KCNN1: variants seen among roughly 807,000 people sequenced by gnomAD.
The protein encoded by KCNN1 is potassium calcium-activated channel subfamily N member 1.
Under a neutral mutation model 44.7 loss-of-function variants are expected in KCNN1, and 20 were observed. That is an observed-to-expected ratio of 0.45 (90% CI 0.32 to 0.65). KCNN1 has a LOEUF of 0.65. KCNN1 is among the 30% of genes least tolerant of loss of function. The probability of loss-of-function intolerance (pLI) is 0.05; values close to 1 mark genes in which losing one functional copy is unlikely to be tolerated. For synonymous variants in KCNN1, 324 were observed against 341.7 expected (o/e 0.95, Z 0.57); for missense variants, 632 against 785.3 (o/e 0.80, Z 2.33).
chr19:17,971,318 A>C (rs1005685952), intron 1 of KCNN1, among the ~76,000 whole-genome samples: 3 of 152,092 alleles, frequency 2.0e-5, no homozygotes, highest in Non-Finnish European at 4.4e-5. Flanking sequence ...GGGGACCCCT[A>C]GTGCATGCTG....
rs1568456085 is a variant in KCNN1, at chr19:17,983,382, CG to C, written c.917+1258del. Among the ~76,000 whole-genome samples the C allele has an allele frequency of 6.6e-6, 1 of 152,108 alleles. No individual in the cohort carries two copies. Among genetic ancestry groups the C allele is most frequent in the Non-Finnish European group, 1.5e-5 (1 of 67,982 alleles). On this transcript the variant is annotated intron_variant, in intron 4 of 9. Transcript: ENST00000684775. The surrounding 1 kb of genome is among the most constrained non-coding windows in gnomAD (Gnocchi z 4.5). ...CCAGCCCCCACCCCCCATACTCCCA[CG>C]GGCCCTGCCTGGGCATGAGGCCTGG...
intron 4 of KCNN1, among the ~76,000 whole-genome samples, chr19:17,984,988 C>T (rs1322426670): frequency 6.6e-6 from 1 of 152,110 alleles, no homozygotes; most frequent in African/African-American, 2.4e-5. Context: ...CTTGCCTCCA[C>T]CTCCTGCTGC....
chr19:17,985,167 C>T, intron 4 of KCNN1, 145 bp from the exon 5 acceptor site: 2 of 659,878 alleles, frequency 3.0e-6, no homozygotes, highest in South Asian at 6.3e-5. Context: ...AGAGGGTGCG[C>T]CTGTCCTGTA....
intron 5 of KCNN1, among the ~76,000 whole-genome samples, chr19:17,986,270 T>C (rs1237746416): frequency 1.3e-5 from 2 of 151,114 alleles, no homozygotes; most frequent in Non-Finnish European, 2.9e-5. Context: ...GGCTGAGGCA[T>C]GAGAATTGCT....
chr19:17,995,174 CTT>C (rs201597845), intron 9 of KCNN1, among the ~76,000 whole-genome samples: 1 of 142,384 alleles, frequency 7.0e-6, no homozygotes, highest in Non-Finnish European at 1.5e-5. Context: ...AGGGAATCTT[CTT>C]TTTTTTTTTT....
intron 9 of KCNN1, among the ~76,000 whole-genome samples, chr19:17,994,446 CA>C (rs767149586): frequency 0.049 from 4,341 of 88,956 alleles, 66 homozygotes; most frequent in Non-Finnish European, 0.066. Context: ...GACCCTGTCT[CA>C]AAAAAAAAAA....
intron 9 of KCNN1, among the ~76,000 whole-genome samples, chr19:17,996,198 C>T (rs987280086): frequency 6.8e-6 from 1 of 148,060 alleles, no homozygotes; most frequent in Non-Finnish European, 1.5e-5. Flanking sequence ...GAAAAATTAG[C>T]AGGAGGCTGA....
At chr19:17,979,343 G>A (rs913875963) in intron 3 of KCNN1, among the ~76,000 whole-genome samples, 1 of 143,138 alleles carries the variant, frequency 7.0e-6, no homozygotes, top group Non-Finnish European at 1.5e-5. Flanking sequence ...TGAGGCAGGA[G>A]AATGGCGTGA....
chr19:17,986,338 G>C (rs2032594801), intron 5 of KCNN1, among the ~76,000 whole-genome samples: 1 of 150,472 alleles, frequency 6.6e-6, no homozygotes, highest in South Asian at 2.1e-4. Context: ...ACTCCAGCCT[G>C]GGCAACCAGA....
In KCNN1 at chr19:17,985,267, A is replaced by T. The variant is rs369546195; in HGVS notation, c.918-45A>T. 341 of 1,509,010 alleles carry T rather than the reference A, an allele frequency of 2.3e-4. 1 individual carries two copies. Among genetic ancestry groups the T allele is most frequent in the South Asian group, 2.1e-3 (156 of 75,750 alleles). 93.5% of individuals were successfully genotyped at this position (1,509,010 alleles called of 1,614,324 possible). A position where few individuals can be genotyped will look rare whatever the true frequency, so the allele number is the denominator to read the frequency against. On this transcript the variant is annotated intron_variant, in intron 4 of 9. Transcript: ENST00000684775. The stretch of plus-strand genomic sequence containing the variant: ...AGGGGGTGTGATGGAGGCAAAGGGG[A>T]TGGTATAGACTGAGCCCTCCCTCTT...
intron 7 of KCNN1, among the ~76,000 whole-genome samples, chr19:17,991,814 G>A (rs576744121): frequency 2.0e-5 from 3 of 152,248 alleles, no homozygotes; most frequent in African/African-American, 4.8e-5. Flanking sequence ...GGGCCAGACC[G>A]TTTCTGTCCC....
rs1018321749 is a variant in KCNN1 at position 17,983,062 on chromosome 19, C to G, written c.917+935C>G. On this transcript the variant is annotated intron_variant, in intron 4 of 9. Transcript: ENST00000684775. This position sits in a 1 kb window ranked among gnomAD's most constrained non-coding sequence, Gnocchi z 4.5. Reference sequence around the variant, plus strand: ...GGGTCTGGGATGAAGGAAAACCGGCCGTGCCTTTGGGACCTCCAAGCAGGA... The same window carrying G: ...GGGTCTGGGATGAAGGAAAACCGGCGGTGCCTTTGGGACCTCCAAGCAGGA... Among the ~76,000 whole-genome samples, 1 of 151,930 alleles carries G rather than the reference C, an allele frequency of 6.6e-6. No individual in the cohort carries two copies. Among genetic ancestry groups the G allele is most frequent in the Admixed American group, 6.6e-5 (1 of 15,254 alleles).
chr19:17,985,550 C>T, intron 5 of KCNN1, 97 bp downstream of exon 5: 2 of 1,163,720 alleles, frequency 1.7e-6, no homozygotes, highest in Non-Finnish European at 1.2e-6. Flanking sequence ...GTGCTCATCC[C>T]ATCACGAGCT....
At chr19:17,978,463 T>C (rs1425836398) in intron 3 of KCNN1, among the ~76,000 whole-genome samples, 1 of 149,574 alleles carries the variant, frequency 6.7e-6, no homozygotes, top group African/African-American at 2.5e-5. Flanking sequence ...GATCTCGTTC[T>C]GTCGCCCAGG....
chr19:17,961,585 TC>T (rs61473470), intron 2 of KCNN1, among the ~76,000 whole-genome samples: 5,361 of 93,592 alleles, frequency 0.057, 371 homozygotes, highest in African/African-American at 0.19. Context: ...TTTCTTTCTT[TC>T]TTTTTTTTTT....
intron 1 of KCNN1, chr19:17,972,113 A>T (rs1271387845): frequency 6.6e-6 from 1 of 152,438 alleles, no homozygotes; most frequent in Non-Finnish European, 1.5e-5. Context: ...GCATACCTGT[A>T]GTCCTTGCTG....
intron 2 of KCNN1, among the ~76,000 whole-genome samples, chr19:17,956,485 G>T (rs2031545957): frequency 6.6e-6 from 1 of 152,138 alleles, no homozygotes; most frequent in African/African-American, 2.4e-5. Context: ...GCTGATGCCT[G>T]TGATCCCAGA....
chr19:17,992,851 G>C (rs1195314939), intron 7 of KCNN1, among the ~76,000 whole-genome samples: 1 of 152,176 alleles, frequency 6.6e-6, no homozygotes, highest in African/African-American at 2.4e-5. Flanking sequence ...GAGGACAGGT[G>C]TGCCCCTGAG....
At chr19:17,982,445 C>T in intron 4 of KCNN1, 7 of 621,682 alleles carry the variant, frequency 1.1e-5, no homozygotes, top group Non-Finnish European at 1.4e-5. Context: ...GGCTGACTCC[C>T]GATCTCTGGC....
Sources: gnomAD v4.1 joint callset for allele counts (sites outside exome capture counted in the v4.1 genomes callset) on GRCh38, gnomAD v4.1.1 for gene constraint, Gnocchi (gnomAD v3.1) non-coding constraint, MANE v1.5 for transcripts, NCBI Gene and HGNC (gene_info 2026-07-23, HGNC 2026-07-21) for gene names.